SAFB: variants seen among roughly 807,000 people sequenced by gnomAD.
SAFB encodes the protein scaffold attachment factor B.
In SAFB, 15 loss-of-function variants were observed where a neutral mutation model predicts 101.6. The observed-to-expected ratio is 0.15, with a 90% CI of 0.10 to 0.23. The LOEUF (loss-of-function observed/expected upper bound fraction) is 0.23, where lower values mean the gene tolerates loss of function less well. Among genes scored for constraint, SAFB ranks in the 10% least tolerant of loss-of-function variants. The pLI is 1.00. For missense variants in SAFB, 930 were observed against 1,104.1 expected (o/e 0.84, Z 2.23); for synonymous variants, 449 against 407.5 (o/e 1.10, Z -1.23).
In SAFB at chr19:5,662,669, C is replaced by G. The variant is rs184488246; in HGVS notation, c.2153+861C>G. On this transcript the variant is annotated intron_variant, in intron 15 of 20. Transcript: ENST00000588852. ...TTTTTTTTTTTTTTTGAGATAGAGT[C>G]TCGCTCTGTTGCCCAGGCTGGAGTG... Among the ~76,000 whole-genome samples, 333 of 147,086 alleles carry G rather than the reference C, an allele frequency of 2.3e-3. 2 individuals carry two copies. The highest frequency in any genetic ancestry group is 7.5e-3 in the African/African-American group (298 of 39,636).
chr19:5,650,075 G>C (rs889639027), intron 8 of SAFB, 100 bp downstream of exon 8: 2 of 879,340 alleles, frequency 2.3e-6, no homozygotes, highest in Admixed American at 3.8e-5. Flanking sequence ...CCTTACCCAG[G>C]AGACTCCTGA....
At chr19:5,632,589 T>G (rs1157408006) in intron 2 of SAFB, among the ~76,000 whole-genome samples, 3 of 152,224 alleles carry the variant, frequency 2.0e-5, no homozygotes, top group Admixed American at 6.5e-5. Context: ...CAGGTTGTCA[T>G]GTTTCCTTAG....
In SAFB at chr19:5,626,437, A is replaced by C; in HGVS notation, c.222A>C (p.Glu74Asp). The C allele has an allele frequency of 1.2e-6, 2 of 1,611,216 alleles. No homozygotes were observed. Among genetic ancestry groups the C allele is most frequent in the Non-Finnish European group, 8.5e-7 (1 of 1,177,330 alleles). The change falls in exon 2 of 21, where the codon GAA (glutamate) becomes GAC (aspartate). Residue 74 changes from glutamate to aspartate, a missense_variant. By Grantham distance (45) the Glu-to-Asp change is conservative. Around this residue, in one of 7 missense-constraint regions of SAFB, gnomAD observed 119 missense variants for 171.4 expected, o/e 0.69. Transcript: ENST00000588852. ...AIEDEGGNPD[E>D]IEITSEGNKK... ...AAGATGAAGGTGGTAATCCTGACGA[A>C]ATTGAAATTACCTCCGAGGGAAACA...
intron 1 of SAFB, among the ~76,000 whole-genome samples, chr19:5,624,200 C>T (rs1182106191): frequency 6.6e-6 from 1 of 151,712 alleles, no homozygotes; most frequent in Non-Finnish European, 1.5e-5. Context: ...ACCTTGAACC[C>T]CTTCTGAGTC....
chr19:5,626,592 C>G (rs1214309066), intron 2 of SAFB, 103 bp downstream of exon 2: 3 of 681,574 alleles, frequency 4.4e-6, no homozygotes, highest in Non-Finnish European at 7.8e-6. Flanking sequence ...GACTTGTGAA[C>G]CACTCTGAAC....
rs567098421 is a variant in SAFB, at chr19:5,635,070, G to A, written c.275-6524G>A. Among the ~76,000 whole-genome samples the A allele has an allele frequency of 1.4e-4, 22 of 152,118 alleles. 1 individual carries two copies. The East Asian group carries it at 2.9e-3, about 20-fold the overall frequency. ...GGAGAATCACTTGAACCCAGGAGGCGGAGGTTCCGGTGAGCCGAGATCACG... is the reference window on the plus strand; with the variant it reads ...GGAGAATCACTTGAACCCAGGAGGCAGAGGTTCCGGTGAGCCGAGATCACG... On this transcript the variant is annotated intron_variant, in intron 2 of 20. Transcript: ENST00000588852.
chr19:5,658,014 T>C (rs2054103480), intron 14 of SAFB, among the ~76,000 whole-genome samples: 1 of 152,076 alleles, frequency 6.6e-6, no homozygotes, highest in African/African-American at 2.4e-5. Context: ...GGCTTCCTTT[T>C]TTTTTGAGAT....
chr19:5,628,917 T>TA (rs1457378264), intron 2 of SAFB, among the ~76,000 whole-genome samples: 1 of 152,252 alleles, frequency 6.6e-6, no homozygotes, highest in Non-Finnish European at 1.5e-5. Flanking sequence ...ATACTTGTAC[T>TA]ACAGGCTTTT....
At chr19:5,631,952 T>A (rs1385466724) in intron 2 of SAFB, among the ~76,000 whole-genome samples, 1 of 152,054 alleles carries the variant, frequency 6.6e-6, no homozygotes, top group African/African-American at 2.4e-5. Flanking sequence ...GAGACTGAGG[T>A]GGGAGGATCA....
chr19:5,631,382 T>G (rs1464275729), intron 2 of SAFB, among the ~76,000 whole-genome samples: 1 of 152,214 alleles, frequency 6.6e-6, no homozygotes, highest in Non-Finnish European at 1.5e-5. Context: ...CATTTGTTGT[T>G]TTGTTTTGCT....
intron 13 of SAFB, among the ~76,000 whole-genome samples, chr19:5,655,478 AAAC>A (rs1413611863): frequency 6.6e-6 from 1 of 151,558 alleles, no homozygotes; most frequent in African/African-American, 2.4e-5. Context: ...AAAAAAAAAA[AAAC>A]ACACACCTAT....
chr19:5,668,126 G>C, intron 20 of SAFB, 36 bp from the exon 21 acceptor site: 1 of 1,598,796 alleles, frequency 6.3e-7, no homozygotes, highest in Non-Finnish European at 8.5e-7. Context: ...GGAGCAGGAG[G>C]ACTTCGCAGT....
intron 11 of SAFB, 79 bp from the exon 12 acceptor site, chr19:5,653,981 TC>T: frequency 7.2e-7 from 1 of 1,382,332 alleles, no homozygotes; most frequent in Non-Finnish European, 1.0e-6. Context: ...TCTCATGTGA[TC>T]CGCCCGCCTC....
chr19:5,650,100 C>G lies in SAFB; in HGVS notation c.1198+125C>G, dbSNP rs992645736. On this transcript the variant is annotated intron_variant, in intron 8 of 20. Coordinates refer to ENST00000588852, the MANE Select transcript of SAFB (RefSeq NM_001201338.2). ...GAGACTCCTGAGACGTTTGTGCAGT[C>G]TTTCTCCTTCTCTGCTGTTACCGCT... The G allele has an allele frequency of 5.5e-6, 4 of 729,564 alleles. No homozygotes were observed. In the African/African-American group the frequency reaches 7.0e-5, roughly 13 times the overall value. 45.2% of individuals were successfully genotyped at this position (729,564 alleles called of 1,614,324 possible).
chr19:5,624,885 C>A (rs936800171), intron 1 of SAFB, among the ~76,000 whole-genome samples: 3 of 152,108 alleles, frequency 2.0e-5, no homozygotes, highest in Admixed American at 2.0e-4. Context: ...AGATTGGCGG[C>A]TGGTCAGGTG....
chr19:5,659,523 A>T (rs1487566043), intron 14 of SAFB, among the ~76,000 whole-genome samples: 1 of 151,730 alleles, frequency 6.6e-6, no homozygotes, highest in Non-Finnish European at 1.5e-5. Flanking sequence ...CTGGGACTAC[A>T]GGCGCCTGCC....
intron 2 of SAFB, among the ~76,000 whole-genome samples, chr19:5,632,455 G>C (rs2053510264): frequency 6.6e-6 from 1 of 152,176 alleles, no homozygotes; most frequent in South Asian, 2.1e-4. Context: ...TAGATGTCCA[G>C]ATCAGGAAAT....
In SAFB at chr19:5,657,333, CTCAGAG is replaced by C. The variant is rs761681418; in HGVS notation, c.1851_1856del (p.Glu618_Ser619del). 7.3e-5 allele frequency: 117 copies of C among 1,609,640 alleles called. No individual in the cohort carries two copies. Among genetic ancestry groups the C allele is most frequent in the Non-Finnish European group, 9.5e-5 (112 of 1,176,134 alleles). ...TCAAGGAGCCTCGGAAGTCAAGAGA[CTCAGAG>C]TCCCATAGGTGAGTAGGGATCCAGG... On this transcript the variant is annotated inframe_deletion, in exon 14 of 21. Transcript: ENST00000588852.
chr19:5,664,309 T>C (rs1171488241), intron 16 of SAFB, 88 bp from the exon 17 acceptor site: 1 of 1,455,986 alleles, frequency 6.9e-7, no homozygotes, highest in East Asian at 2.3e-5. Context: ...GTTAGGGAAA[T>C]TATGCTTTTC....
Sources: gnomAD v4.1 joint callset for allele counts (sites outside exome capture counted in the v4.1 genomes callset) on GRCh38, gnomAD v4.1.1 for gene constraint, gnomAD v4.1.1 regional missense constraint, MANE v1.5 for transcripts, NCBI Gene and HGNC (gene_info 2026-07-23, HGNC 2026-07-21) for gene names.